The following ENTHD1 variants were observed in gnomAD, a reference collection of about 807,000 sequenced individuals.
ENTHD1 encodes the protein ENTH domain containing 1.
ENTHD1 carries 23 observed loss-of-function variants against 39.1 expected under a neutral mutation model. The observed-to-expected ratio is 0.59, with a 90% CI of 0.42 to 0.83. ENTHD1 has a LOEUF of 0.83. Among genes scored for constraint, ENTHD1 ranks in the 40% least tolerant of loss-of-function variants. ENTHD1 has a pLI of 0.00. For synonymous variants in ENTHD1, 230 were observed against 258.2 expected (o/e 0.89, Z 1.05); for missense variants, 624 against 705.4 (o/e 0.88, Z 1.31).
intron 6 of ENTHD1, among the ~76,000 whole-genome samples, chr22:39,751,877 T>C (rs950007955): frequency 6.6e-6 from 1 of 152,184 alleles, no homozygotes; most frequent in African/African-American, 2.4e-5. Flanking sequence ...ATGTCTGTCA[T>C]TTTTGTTTCC....
At position 39,887,569 on chromosome 22, in the gene ENTHD1, T is replaced by C; in HGVS notation, c.180A>G (p.Arg60=). ...GCCAGTTCTTCCCATGGTCATTGAG[T>C]CTGTGCCACAGCATATTCATAATCT... ...LSEIMNMLWH[R]LNDHGKNWRH... Residue 60 remains arginine (R), a synonymous_variant, in exon 2 of 7, where the codon AGA becomes AGG. Coordinates refer to ENST00000325157, the MANE Select transcript of ENTHD1 (RefSeq NM_152512.4). 4.3e-6 allele frequency: 7 copies of C among 1,614,166 alleles called. No individual in the cohort carries two copies. The highest frequency in any genetic ancestry group is 5.9e-6 in the Non-Finnish European group (7 of 1,180,028).
rs113345889 is a variant in ENTHD1 at position 39,764,935 on chromosome 22, A to G, written c.1219+288T>C. On this transcript the variant is annotated intron_variant, in intron 6 of 6. Coordinates refer to ENST00000325157, the MANE Select transcript of ENTHD1 (RefSeq NM_152512.4). ...GTCTAACAGAAAGCACTTACTTCACACTAGTTCCTTCTAATTTGGTCTGCA... is the reference window on the plus strand; with the variant it reads ...GTCTAACAGAAAGCACTTACTTCACGCTAGTTCCTTCTAATTTGGTCTGCA... Among the ~76,000 whole-genome samples the G allele has an allele frequency of 2.8e-4, 43 of 152,222 alleles. 1 individual carries two copies. The highest frequency in any genetic ancestry group is 9.6e-4 in the African/African-American group (40 of 41,526).
chr22:39,824,201 CTTTTTTTTTT>C (rs71197195), intron 4 of ENTHD1, among the ~76,000 whole-genome samples: 26 of 71,446 alleles, frequency 3.6e-4, no homozygotes, highest in Admixed American at 2.0e-3. Context: ...TTGTCCAGTT[CTTTTTTTTTT>C]TTTTTTTTTT....
intron 5 of ENTHD1, among the ~76,000 whole-genome samples, chr22:39,811,715 C>A (rs898965880): frequency 6.6e-6 from 1 of 152,166 alleles, no homozygotes; most frequent in African/African-American, 2.4e-5. Context: ...TGTGATGGCT[C>A]ACGCCTGTAA....
At chr22:39,790,546 A>G (rs1014763663) in intron 5 of ENTHD1, among the ~76,000 whole-genome samples, 3 of 152,156 alleles carry the variant, frequency 2.0e-5, no homozygotes, top group Admixed American at 6.5e-5. Context: ...ACAAGCCTCT[A>G]TGACAACCAT....
intron 6 of ENTHD1, among the ~76,000 whole-genome samples, chr22:39,746,412 A>G (rs906181289): frequency 6.6e-6 from 1 of 151,540 alleles, no homozygotes; most frequent in Non-Finnish European, 1.5e-5. Flanking sequence ...TCTTTGAAAA[A>G]CTTTTCCTTT....
At chr22:39,816,942 CTATATA>C (rs934304279) in intron 5 of ENTHD1, among the ~76,000 whole-genome samples, 2 of 150,162 alleles carry the variant, frequency 1.3e-5, no homozygotes, top group African/African-American at 2.5e-5. Context: ...ATATATATCT[CTATATA>C]TATAGCTATA....
intron 5 of ENTHD1, among the ~76,000 whole-genome samples, chr22:39,806,334 T>C (rs530659100): frequency 7.9e-5 from 12 of 152,318 alleles, no homozygotes; most frequent in African/African-American, 2.9e-4. Flanking sequence ...CAACTAGGGA[T>C]GAGGAAAGTT....
At chr22:39,849,777 A>G (rs879147824) in intron 3 of ENTHD1, among the ~76,000 whole-genome samples, 1 of 152,178 alleles carries the variant, frequency 6.6e-6, no homozygotes, top group Non-Finnish European at 1.5e-5. Flanking sequence ...TATTTTTAGT[A>G]TGTCTGTAGA....
chr22:39,886,171 A>C (rs1224109041), intron 2 of ENTHD1, among the ~76,000 whole-genome samples: 1 of 152,182 alleles, frequency 6.6e-6, no homozygotes, highest in African/African-American at 2.4e-5. Flanking sequence ...AAAAAGCTAC[A>C]TACTTTAAGA....
intron 6 of ENTHD1, among the ~76,000 whole-genome samples, chr22:39,749,674 A>G (rs989367667): frequency 1.3e-5 from 2 of 152,338 alleles, no homozygotes; most frequent in Admixed American, 1.3e-4. Flanking sequence ...TAGCTGATAT[A>G]CAATGTCTGT....
rs577191478 is a variant in ENTHD1, at chr22:39,858,439, T to C, written c.592+3326A>G. 1.1e-3 allele frequency among the ~76,000 whole-genome samples: 160 copies of C among 152,360 alleles called. 1 individual carries two copies. Among genetic ancestry groups the C allele is most frequent in the African/African-American group, 3.7e-3 (152 of 41,582 alleles). The stretch of plus-strand genomic sequence containing the variant: ...CCATAAGGGTTGGAATCCACTTCTT[T>C]CAAACTCCTGTTAATGTTGAAATTT... On this transcript the variant is annotated intron_variant, in intron 3 of 6. Coordinates refer to ENST00000325157, the MANE Select transcript of ENTHD1 (RefSeq NM_152512.4).
chr22:39,813,129 G>A (rs548962005), intron 5 of ENTHD1, among the ~76,000 whole-genome samples: 40 of 152,206 alleles, frequency 2.6e-4, no homozygotes, highest in African/African-American at 9.6e-4. Flanking sequence ...GTGCAGCTTC[G>A]CCTTCCCTTC....
At chr22:39,767,574 C>G (rs2065286814) in intron 5 of ENTHD1, among the ~76,000 whole-genome samples, 1 of 152,182 alleles carries the variant, frequency 6.6e-6, no homozygotes, top group Non-Finnish European at 1.5e-5. Flanking sequence ...ACATTTACAT[C>G]AAATCATTCA....
At chr22:39,887,319 C>T in intron 2 of ENTHD1, 81 bp downstream of exon 2, 1 of 1,256,594 alleles carries the variant, frequency 8.0e-7, no homozygotes, top group East Asian at 2.3e-5. Flanking sequence ...TCATGCAGTC[C>T]TCCCACCTCA....
chr22:39,781,301 T>C (rs945224293), intron 5 of ENTHD1, among the ~76,000 whole-genome samples: 2 of 152,136 alleles, frequency 1.3e-5, no homozygotes, highest in African/African-American at 2.4e-5. Context: ...AGAACTAATA[T>C]AAAGTATCTT....
intron 6 of ENTHD1, among the ~76,000 whole-genome samples, chr22:39,752,894 T>G (rs1206758650): frequency 6.6e-6 from 1 of 152,236 alleles, no homozygotes; most frequent in East Asian, 1.9e-4. Flanking sequence ...GCCAAGACAC[T>G]TTGCAGAACT....
chr22:39,749,556 T>C (rs969896192), intron 6 of ENTHD1, among the ~76,000 whole-genome samples: 1 of 152,212 alleles, frequency 6.6e-6, no homozygotes, highest in South Asian at 2.1e-4. Flanking sequence ...GCTAGAGATA[T>C]AAATCTTTCT....
chr22:39,833,688 A>G (rs1455069971), intron 4 of ENTHD1, among the ~76,000 whole-genome samples: 1 of 151,928 alleles, frequency 6.6e-6, no homozygotes, highest in Non-Finnish European at 1.5e-5. Flanking sequence ...AAGTGAAGAG[A>G]TATAAAGATA....
Sources: allele counts gnomAD v4.1 joint callset (sites outside exome capture counted in the v4.1 genomes callset), GRCh38; gene constraint gnomAD v4.1.1; transcripts MANE v1.5; gene names NCBI Gene and HGNC (gene_info 2026-07-23, HGNC 2026-07-21).